Variants in PTPRG observed in about 807,000 individuals in gnomAD.
PTPRG encodes the protein receptor-type tyrosine-protein phosphatase gamma.
PTPRG carries 102 observed loss-of-function variants against 165.3 expected under a neutral mutation model. The ratio of observed to expected loss-of-function variants is 0.62; its 90% CI spans 0.53 to 0.73. The LOEUF (loss-of-function observed/expected upper bound fraction) is 0.73. Ranked by LOEUF, PTPRG falls within the 30% of genes least tolerant of loss-of-function variation. The pLI, the probability that PTPRG is intolerant of heterozygous loss-of-function variation, is 0.00. For synonymous variants in PTPRG, 675 were observed against 669.5 expected (o/e 1.01, Z -0.13); for missense variants, 1,866 against 1,861.4 (o/e 1.00, Z -0.05).
intron 6 of PTPRG, among the ~76,000 whole-genome samples, chr3:62,144,778 G>A (rs2106655478): frequency 6.6e-6 from 1 of 152,254 alleles, no homozygotes; most frequent in East Asian, 1.9e-4. Flanking sequence ...TCTTTTCTTA[G>A]CCAGGAAATG....
intron 3 of PTPRG, among the ~76,000 whole-genome samples, chr3:61,993,439 G>A (rs1471271780): frequency 2.0e-5 from 3 of 151,876 alleles, no homozygotes; most frequent in Non-Finnish European, 2.9e-5. Flanking sequence ...GGCTGGTCTC[G>A]AACTCCCAAC....
intron 4 of PTPRG, among the ~76,000 whole-genome samples, chr3:62,021,444 C>A (rs2107761154): frequency 6.6e-6 from 1 of 152,262 alleles, no homozygotes. Context: ...CTGACATTTT[C>A]AAAAGAAGCT....
At chr3:62,149,011 C>G (rs1232366182) in intron 6 of PTPRG, among the ~76,000 whole-genome samples, 1 of 152,028 alleles carries the variant, frequency 6.6e-6, no homozygotes, top group African/African-American at 2.4e-5. Flanking sequence ...TCTTTGAGAC[C>G]TCGATTTCCC....
chr3:61,756,268 G>T (rs1225975079), intron 2 of PTPRG, among the ~76,000 whole-genome samples: 2 of 152,168 alleles, frequency 1.3e-5, no homozygotes, highest in African/African-American at 4.8e-5. Context: ...TTTCCCTGTT[G>T]CTACCTAAAT....
chr3:61,998,537 T>C (rs1205520973), intron 3 of PTPRG, among the ~76,000 whole-genome samples: 5 of 152,218 alleles, frequency 3.3e-5, no homozygotes, highest in Non-Finnish European at 5.9e-5. Context: ...AAGTGGACAG[T>C]GGCAGAACTA....
intron 1 of PTPRG, among the ~76,000 whole-genome samples, chr3:61,676,201 T>TA (rs1164110610): frequency 3.3e-5 from 5 of 151,978 alleles, no homozygotes. Flanking sequence ...CTCACGCCTG[T>TA]AATCCCAGCA....
intron 4 of PTPRG, among the ~76,000 whole-genome samples, chr3:62,028,388 A>C (rs553940324): frequency 5.3e-5 from 8 of 152,324 alleles, no homozygotes; most frequent in African/African-American, 1.4e-4. Context: ...TCCAAACAAA[A>C]CTGAAATGCA....
chr3:61,753,020 A>G (rs1266876447), intron 2 of PTPRG, among the ~76,000 whole-genome samples: 1 of 152,118 alleles, frequency 6.6e-6, no homozygotes. Context: ...CTTTGTGAAT[A>G]CCTGTAATTT....
Position 61,981,443 on chromosome 3 carries a change from A to G in PTPRG, c.191-8182A>G, listed in dbSNP as rs1274922963. On this transcript the variant is annotated intron_variant, in intron 2 of 29. Coordinates refer to ENST00000474889, the MANE Select transcript of PTPRG (RefSeq NM_002841.4). ...GATGAGATTCCACTAATTGCCATAT[A>G]TTAGTCAAGTGCTGTTTCTGAAGCT... Among the ~76,000 whole-genome samples, 4 of 152,212 alleles carry G rather than the reference A, an allele frequency of 2.6e-5. 1 individual carries two copies. In the South Asian group the frequency reaches 6.2e-4, roughly 24 times the overall value.
At chr3:61,795,656 A>G (rs1431834406) in intron 2 of PTPRG, among the ~76,000 whole-genome samples, 2 of 151,452 alleles carry the variant, frequency 1.3e-5, no homozygotes, top group African/African-American at 4.8e-5. Context: ...AAAAAAAAAA[A>G]AAAAAAAAAA....
chr3:62,055,650 T>A (rs1011357614), intron 4 of PTPRG, among the ~76,000 whole-genome samples: 2 of 152,228 alleles, frequency 1.3e-5, no homozygotes, highest in Non-Finnish European at 2.9e-5. Context: ...TCTGTAGGGT[T>A]GGTTCCTTCT....
At chr3:62,064,809 C>T (rs1311054661) in intron 4 of PTPRG, among the ~76,000 whole-genome samples, 1 of 146,954 alleles carries the variant, frequency 6.8e-6, no homozygotes, top group Non-Finnish European at 1.5e-5. Context: ...CTGGGCTCGC[C>T]GCAACATCCA....
At chr3:61,836,522 A>G (rs992519665) in intron 2 of PTPRG, among the ~76,000 whole-genome samples, 2 of 152,202 alleles carry the variant, frequency 1.3e-5, no homozygotes, top group Non-Finnish European at 2.9e-5. Flanking sequence ...ACTATTTACT[A>G]TGCTCTTACT....
chr3:62,182,863 G>T (rs927626806), intron 8 of PTPRG, among the ~76,000 whole-genome samples: 6 of 152,106 alleles, frequency 3.9e-5, no homozygotes, highest in Non-Finnish European at 7.3e-5. Flanking sequence ...CACCATGTTG[G>T]CCAGGATGGT....
intron 1 of PTPRG, among the ~76,000 whole-genome samples, chr3:61,694,869 TCTCACTCTCACC>T (rs1415143094): frequency 1.3e-5 from 2 of 152,160 alleles, no homozygotes; most frequent in African/African-American, 4.8e-5. Context: ...ATTCTCTCTC[TCTCACTCTCACC>T]CTCACTCTCT....
intron 28 of PTPRG, among the ~76,000 whole-genome samples, chr3:62,285,639 T>TAAAG (rs1306066903): frequency 5.3e-5 from 8 of 152,178 alleles, no homozygotes; most frequent in Admixed American, 3.9e-4. Context: ...AGGCACAGCT[T>TAAAG]AAAGACAAAC....
In PTPRG at chr3:62,273,610, G is replaced by A; in HGVS notation, c.3319-88G>A. ...GGAAATCACTGGGAGGTCCCTGTTA[G>A]CAGCAGAATTAAACTAAGGTACACT... is the stretch of plus-strand genomic sequence containing the variant. On this transcript the variant is annotated intron_variant, in intron 22 of 29. Coordinates refer to ENST00000474889, the MANE Select transcript of PTPRG (RefSeq NM_002841.4). This position sits in a 1 kb window ranked among gnomAD's most constrained non-coding sequence, Gnocchi z 4.1. 7.5e-7 allele frequency: 1 copy of A among 1,337,708 alleles called. No individual in the cohort carries two copies. Among genetic ancestry groups the A allele is most frequent in the Non-Finnish European group, 1.1e-6 (1 of 947,342 alleles). The allele number at this position is 1,337,708 out of a possible 1,614,324, so 82.9% of individuals were successfully genotyped here.
intron 3 of PTPRG, among the ~76,000 whole-genome samples, chr3:61,995,084 CTTTTTT>C (rs761499179): frequency 2.8e-5 from 1 of 35,396 alleles, no homozygotes; most frequent in Non-Finnish European, 6.2e-5. Flanking sequence ...TTCTTTCTTT[CTTTTTT>C]TTTTTTTTTT....
At chr3:61,713,895 G>T (rs185280100) in intron 1 of PTPRG, among the ~76,000 whole-genome samples, 2 of 152,284 alleles carry the variant, frequency 1.3e-5, no homozygotes, top group Admixed American at 1.3e-4. Context: ...TGTTAAAAAG[G>T]CATTAAAGCA....
Sources: gnomAD v4.1 joint callset for allele counts (sites outside exome capture counted in the v4.1 genomes callset) on GRCh38, gnomAD v4.1.1 for gene constraint, Gnocchi (gnomAD v3.1) non-coding constraint, MANE v1.5 for transcripts, NCBI Gene and HGNC (gene_info 2026-07-23, HGNC 2026-07-21) for gene names.